AFG1L: variants seen among roughly 807,000 people sequenced by gnomAD.
AFG1L encodes the protein AFG1-like ATPase.
AFG1L carries 53 observed loss-of-function variants against 62.2 expected under a neutral mutation model. The observed-to-expected ratio is 0.85, with a 90% CI of 0.68 to 1.07. The LOEUF is 1.07. AFG1L is among the 50% of genes least tolerant of loss of function. The probability of loss-of-function intolerance (pLI) is 0.00; values close to 1 mark genes in which losing one functional copy is unlikely to be tolerated. For missense variants in AFG1L, 555 were observed against 590.5 expected (o/e 0.94, Z 0.62); for synonymous variants, 228 against 210.3 (o/e 1.08, Z -0.73).
chr6:108,519,242 T>A (rs572866668), intron 11 of AFG1L, among the ~76,000 whole-genome samples: 143 of 152,284 alleles, frequency 9.4e-4, no homozygotes, highest in African/African-American at 2.8e-3. Context: ...AGGCACCGAA[T>A]CCCATGCATG....
chr6:108,381,353 C>CTT (rs74626961), intron 6 of AFG1L, among the ~76,000 whole-genome samples: 4 of 142,826 alleles, frequency 2.8e-5, no homozygotes, highest in Admixed American at 7.0e-5. Flanking sequence ...TTTTACTTTT[C>CTT]TTTTTTTTTT....
At chr6:108,496,277 C>A (rs1773972235) in intron 10 of AFG1L, among the ~76,000 whole-genome samples, 1 of 152,106 alleles carries the variant, frequency 6.6e-6, no homozygotes, top group Non-Finnish European at 1.5e-5. Context: ...TTGCAAAGTT[C>A]TTGTAGGATT....
intron 10 of AFG1L, among the ~76,000 whole-genome samples, chr6:108,508,612 G>T (rs1774517165): frequency 6.6e-6 from 1 of 152,124 alleles, no homozygotes; most frequent in Non-Finnish European, 1.5e-5. Flanking sequence ...ATCCTTCTTA[G>T]AACTGCTCTC....
At chr6:108,346,693 C>T (rs949722944) in intron 2 of AFG1L, among the ~76,000 whole-genome samples, 2 of 152,064 alleles carry the variant, frequency 1.3e-5, no homozygotes, top group Admixed American at 6.6e-5. Flanking sequence ...TTTAATTGTT[C>T]GCTGTTCTAA....
chr6:108,376,408 A>G (rs4945811), intron 6 of AFG1L, among the ~76,000 whole-genome samples: 150,747 of 152,190 alleles, frequency 0.99, 74,670 homozygotes, highest in East Asian at 1. Context: ...TGGATTGTTG[A>G]TTAGTATCTC....
rs936575592 is a variant in AFG1L at position 108,500,086 on chromosome 6, A to G, written c.1063-10126A>G. On this transcript the variant is annotated intron_variant, in intron 10 of 12. Transcript: ENST00000368977. ...CTGTTTTTTTGTTAATTTGCTTAGG[A>G]TAATGGCCTCCAGCTGCATCCATGT... is the stretch of plus-strand genomic sequence containing the variant. Among the ~76,000 whole-genome samples, 5 of 151,926 alleles carry G rather than the reference A, an allele frequency of 3.3e-5. No homozygotes were observed. In the South Asian group the frequency reaches 1.0e-3, roughly 32 times the overall value.
intron 7 of AFG1L, among the ~76,000 whole-genome samples, chr6:108,420,690 T>A (rs17069558): frequency 0.098 from 14,944 of 151,884 alleles, 1,025 homozygotes; most frequent in South Asian, 0.19. Context: ...GTATGCCTTT[T>A]AAAATATTTT....
intron 11 of AFG1L, among the ~76,000 whole-genome samples, chr6:108,514,896 A>C (rs1475869986): frequency 6.6e-6 from 1 of 152,236 alleles, no homozygotes; most frequent in Non-Finnish European, 1.5e-5. Flanking sequence ...CAAAAGAGAC[A>C]AAGAAGGCCA....
At chr6:108,492,283 CCAGA>C (rs1175576154) in intron 10 of AFG1L, among the ~76,000 whole-genome samples, 1 of 151,146 alleles carries the variant, frequency 6.6e-6, no homozygotes, top group Non-Finnish European at 1.5e-5. Context: ...GATCTCAAAG[CCAGA>C]CAAATGTACA....
intron 1 of AFG1L, among the ~76,000 whole-genome samples, chr6:108,317,472 G>C (rs1777650420): frequency 6.6e-6 from 1 of 152,080 alleles, no homozygotes; most frequent in South Asian, 2.1e-4. Flanking sequence ...AGTCCAGGTG[G>C]GGTCAGTCTG....
intron 3 of AFG1L, among the ~76,000 whole-genome samples, chr6:108,347,347 G>T (rs780370920): frequency 6.6e-6 from 1 of 152,110 alleles, no homozygotes; most frequent in Non-Finnish European, 1.5e-5. Context: ...GACAAATCAG[G>T]ATTCCATGAC....
At chr6:108,483,217 A>G (rs1773396417) in intron 10 of AFG1L, among the ~76,000 whole-genome samples, 1 of 146,970 alleles carries the variant, frequency 6.8e-6, no homozygotes, top group Non-Finnish European at 1.5e-5. Flanking sequence ...ATTTCAAAAA[A>G]ACAGAAGTAT....
rs1414634647 is a variant in AFG1L, at chr6:108,414,773, A to C, written c.807+12719A>C. On this transcript the variant is annotated intron_variant, in intron 7 of 12. Coordinates refer to ENST00000368977, the MANE Select transcript of AFG1L (RefSeq NM_145315.5). ...ACTAGGTATTGATGGGATGTATCTCAAAATAATAAGAGCTATTTATGACAA... is the reference window on the plus strand; with the variant it reads ...ACTAGGTATTGATGGGATGTATCTCCAAATAATAAGAGCTATTTATGACAA... 7.2e-5 allele frequency among the ~76,000 whole-genome samples: 11 copies of C among 152,330 alleles called. No homozygotes were observed. In the East Asian group the frequency reaches 2.1e-3, roughly 29 times the overall value.
chr6:108,388,844 G>A (rs993745107), intron 6 of AFG1L, among the ~76,000 whole-genome samples: 12 of 152,072 alleles, frequency 7.9e-5, no homozygotes, highest in African/African-American at 2.7e-4. Context: ...TGAAAAAAAT[G>A]TATATTCTGT....
chr6:108,386,001 T>G (rs954895012), intron 6 of AFG1L, among the ~76,000 whole-genome samples: 2 of 152,106 alleles, frequency 1.3e-5, no homozygotes, highest in African/African-American at 2.4e-5. Flanking sequence ...CAGTGGGAGC[T>G]TCTCAGGAGG....
chr6:108,400,031 G>A (rs949276891), intron 6 of AFG1L, among the ~76,000 whole-genome samples: 4 of 151,902 alleles, frequency 2.6e-5, no homozygotes, highest in African/African-American at 4.8e-5. Context: ...CACCTGGCTC[G>A]GCCTCCCAAA....
chr6:108,353,153 AT>A (rs35734578), intron 3 of AFG1L, among the ~76,000 whole-genome samples: 100,471 of 121,030 alleles, frequency 0.83, 41,026 homozygotes, highest in Non-Finnish European at 0.88. Context: ...ACAATGTTTA[AT>A]TTTTTTTTTT....
At chr6:108,323,661 GA>G (rs1205826148) in intron 1 of AFG1L, among the ~76,000 whole-genome samples, 163 bp from the exon 2 acceptor site, 1 of 152,116 alleles carries the variant, frequency 6.6e-6, no homozygotes, top group East Asian at 1.9e-4. Flanking sequence ...ATGCCTGGCT[GA>G]AAATGTATTT....
At chr6:108,494,276 G>A (rs1393129402) in intron 10 of AFG1L, among the ~76,000 whole-genome samples, 11 of 151,680 alleles carry the variant, frequency 7.3e-5, no homozygotes, top group Non-Finnish European at 1.5e-5. Context: ...TGAGAAAATT[G>A]TCAGTTTCAG....
Sources: allele counts gnomAD v4.1 joint callset (sites outside exome capture counted in the v4.1 genomes callset), GRCh38; gene constraint gnomAD v4.1.1; transcripts MANE v1.5; gene names NCBI Gene and HGNC (gene_info 2026-07-23, HGNC 2026-07-21).